The following IGSF22 variants were observed in gnomAD, a reference collection of about 807,000 sequenced individuals.
IGSF22 encodes immunoglobulin superfamily member 22, also known as immunoglobulin superfamily, member 22.
A neutral mutation model predicts 127.0 loss-of-function variants in IGSF22; 119 were observed. The ratio of observed to expected loss-of-function variants is 0.94; its 90% CI spans 0.81 to 1.09. The LOEUF (loss-of-function observed/expected upper bound fraction) is 1.09. Ranked by LOEUF, IGSF22 falls within the 50% of genes least tolerant of loss-of-function variation. The pLI is 0.00. For missense variants in IGSF22, 1,518 were observed against 1,716.6 expected (o/e 0.88, Z 2.04); for synonymous variants, 568 against 664.7 (o/e 0.85, Z 2.24).
chr11:18,722,056 G>A lies in IGSF22; in HGVS notation c.110-15C>T, dbSNP rs776006952. On this transcript the variant is annotated splice_polypyrimidine_tract_variant and intron_variant, in intron 2 of 22. Transcript: ENST00000513874. ...CACGACCTCCTCTGTGGGGGCAGGC[G>A]AGAGGTCAGAATGGGCTCCAGGTAG... 6.2e-7 allele frequency: 1 copy of A among 1,613,382 alleles called. No individual in the cohort carries two copies. The highest frequency in any genetic ancestry group is 8.5e-7 in the Non-Finnish European group (1 of 1,179,996).
chr11:18,708,190 G>A lies in IGSF22; in HGVS notation c.3087+17C>T, dbSNP rs1321119809. ...TATGTGGACAGTGTATGGAGGTCAG[G>A]GTCAGGGACAACTCACAGAGAAGGC... On this transcript the variant is annotated intron_variant, in intron 19 of 22. Coordinates refer to ENST00000513874, the MANE Select transcript of IGSF22 (RefSeq NM_173588.4). 6.5e-6 allele frequency: 10 copies of A among 1,537,692 alleles called. No homozygotes were observed. The highest frequency in any genetic ancestry group is 8.8e-6 in the Non-Finnish European group (10 of 1,140,018).
intron 1 of IGSF22, 90 bp from the exon 2 acceptor site, chr11:18,724,359 ATGGAAG>A (rs1848619559): frequency 4.5e-6 from 3 of 661,788 alleles, no homozygotes; most frequent in Non-Finnish European, 8.1e-6. Context: ...ATAAGAGGAG[ATGGAAG>A]CACACAGGAG....
chr11:18,707,880 A>T lies in IGSF22; in HGVS notation c.3204T>A (p.Ser1068=), dbSNP rs765763735. 5.0e-6 allele frequency: 8 copies of T among 1,614,202 alleles called. No homozygotes were observed. In the South Asian group the frequency reaches 8.8e-5, roughly 18 times the overall value. Residue 1068 remains serine, a synonymous_variant, in exon 20 of 23, where the codon TCT becomes TCA. Transcript: ENST00000513874. ...SQFLINSTKR[S]DSGVYRILLQ... is the part of the protein sequence containing the mutation. ...GCAAGATTCGGTACACCCCTGAGTC[A>T]GAGCGCTTGGTGCTATTAATGAGGA...
chr11:18,711,524 A>G (rs977785345), intron 15 of IGSF22, among the ~76,000 whole-genome samples: 2 of 152,156 alleles, frequency 1.3e-5, no homozygotes, highest in African/African-American at 4.8e-5. Context: ...CAACCTCCCG[A>G]GTAGCCAGGA....
At position 18,721,600 on chromosome 11, in the gene IGSF22, C is replaced by T. The variant is rs1173777448; in HGVS notation, c.313G>A (p.Gly105Ser). ...TTGGCGGACTCCTTGATGGGGATGCCGCTCTCCCTCTTCCAGGAGATGTGG... is the reference window on the plus strand; with the variant it reads ...TTGGCGGACTCCTTGATGGGGATGCTGCTCTCCCTCTTCCAGGAGATGTGG... ...KPHISWKRES[G>S]IPIKESAKIF... The change falls in exon 4 of 23, where the codon GGC (glycine) becomes AGC (serine). Residue 105 changes from glycine to serine, a missense_variant. Physicochemically the swap from Gly to Ser is moderately conservative, Grantham distance 56 (BLOSUM62 0). Coordinates refer to ENST00000513874, the MANE Select transcript of IGSF22 (RefSeq NM_173588.4). The T allele has an allele frequency of 6.2e-7, 1 of 1,614,248 alleles. No individual in the cohort carries two copies. The highest frequency in any genetic ancestry group is 8.5e-7 in the Non-Finnish European group (1 of 1,180,046).
chr11:18,714,600 C>G lies in IGSF22; in HGVS notation c.1556G>C (p.Gly519Ala), dbSNP rs781659543. The change falls in exon 12 of 23, where the codon GGG becomes GCG. Residue 519 changes from glycine (G) to alanine (A), a missense_variant. Gly to Ala is a moderately conservative substitution (Grantham distance 60). This residue lies in a region of IGSF22 where 1,456 missense variants were observed against 1,644.9 expected (regional missense o/e 0.89). Transcript: ENST00000513874. Reference sequence around the variant, plus strand: ...AGTGGCCGCGTGCACGTCGGACATCCCGCTCTTCACTGTGGCCAGACGCTC... The same window carrying G: ...AGTGGCCGCGTGCACGTCGGACATCGCGCTCTTCACTGTGGCCAGACGCTC... ...VEERLATVKS[G>A]MSDVHAATGS... The G allele has an allele frequency of 3.7e-6, 6 of 1,614,038 alleles. No individual in the cohort carries two copies. Among genetic ancestry groups the G allele is most frequent in the Non-Finnish European group, 5.1e-6 (6 of 1,180,058 alleles).
intron 21 of IGSF22, chr11:18,706,677 C>T: frequency 4.1e-6 from 2 of 482,360 alleles, no homozygotes; most frequent in Non-Finnish European, 7.3e-6. Flanking sequence ...CCCTCCGCAG[C>T]CCCTCCACCG....
At position 18,709,531 on chromosome 11, in the gene IGSF22, T is replaced by C; in HGVS notation, c.2854A>G (p.Lys952Glu). 6.2e-7 allele frequency: 1 copy of C among 1,614,188 alleles called. No individual in the cohort carries two copies. Reference sequence around the variant, plus strand: ...TAGCAGGTGCCTGAGATGGGGATCTTTGTGCACTTGGACCACTCCTTTGTG... The same window carrying C: ...TAGCAGGTGCCTGAGATGGGGATCTCTGTGCACTTGGACCACTCCTTTGTG... ...EDTKEWSKCTKIPISGTCYTV... is the reference protein window; with the variant it reads ...EDTKEWSKCTEIPISGTCYTV... The change falls in exon 18 of 23, where the codon AAG becomes GAG. Residue 952 changes from lysine (K) to glutamate (E), a missense_variant. Lys to Glu is a moderately conservative substitution (Grantham distance 56). Coordinates refer to ENST00000513874, the MANE Select transcript of IGSF22 (RefSeq NM_173588.4). The surrounding 1 kb of genome is among the most constrained non-coding windows in gnomAD (Gnocchi z 4.8).
rs187753096 is a variant in IGSF22, at chr11:18,725,277, G to T, written c.-34+797C>A. 5.3e-5 allele frequency among the ~76,000 whole-genome samples: 8 copies of T among 152,194 alleles called. No homozygotes were observed. The East Asian group carries it at 1.5e-3, about 29-fold the overall frequency. On this transcript the variant is annotated intron_variant, in intron 1 of 22. Coordinates refer to ENST00000513874, the MANE Select transcript of IGSF22 (RefSeq NM_173588.4). The stretch of plus-strand genomic sequence containing the variant: ...CCAGCAGCTGGGTTTACAGGCACGT[G>T]CCACCATGCCCAGCTAATTTTTGTG...
chr11:18,708,724 CA>C (rs1281707195), intron 18 of IGSF22, among the ~76,000 whole-genome samples: 7 of 152,186 alleles, frequency 4.6e-5, no homozygotes, highest in Non-Finnish European at 5.9e-5. Context: ...AGTCTTCCCC[CA>C]AACTAAATCA....
Position 18,716,737 on chromosome 11 carries a change from T to A in IGSF22, c.1237A>T (p.Thr413Ser). Residue 413 changes from threonine (T) to serine (S), a missense_variant, in exon 10 of 23, where the codon ACT becomes TCT. This residue lies in a region of IGSF22 where 1,456 missense variants were observed against 1,644.9 expected (regional missense o/e 0.89). Coordinates refer to ENST00000513874, the MANE Select transcript of IGSF22 (RefSeq NM_173588.4). The surrounding 1 kb of genome is among the most constrained non-coding windows in gnomAD (Gnocchi z 4.5). ...TTGCCCAACCACTCACGGTCAACAGTGAGCTGGGCCTTTTGTACCAGGTTC... is the reference window on the plus strand; with the variant it reads ...TTGCCCAACCACTCACGGTCAACAGAGAGCTGGGCCTTTTGTACCAGGTTC... ...AGNLVQKAQL[T>S]VDRIPIKFVS... 1.2e-6 allele frequency: 2 copies of A among 1,613,868 alleles called. No individual in the cohort carries two copies. Among genetic ancestry groups the A allele is most frequent in the Non-Finnish European group, 1.7e-6 (2 of 1,179,738 alleles).
intron 1 of IGSF22, 76 bp downstream of exon 1, chr11:18,725,998 C>T (rs1444316833): frequency 6.6e-6 from 1 of 152,474 alleles, no homozygotes. Flanking sequence ...TATTCCTGCC[C>T]TCTACCCTAT....
At chr11:18,717,027 C>A (rs1848476245) in intron 9 of IGSF22, 27 bp from the exon 10 acceptor site, 2 of 1,611,202 alleles carry the variant, frequency 1.2e-6, no homozygotes, top group Admixed American at 1.7e-5. Context: ...GAGTGGTAGT[C>A]ATTGGGCTGG....
In IGSF22 at chr11:18,717,890, C is replaced by T. The variant is rs75718689; in HGVS notation, c.973+41G>A. On this transcript the variant is annotated intron_variant, in intron 9 of 22. Coordinates refer to ENST00000513874, the MANE Select transcript of IGSF22 (RefSeq NM_173588.4). ...CCCTGGCCATTCCTCTCTTCCAACC[C>T]GACATGTCCTCCTTGTGCCCTTGCA... The T allele has an allele frequency of 0.071, 113,603 of 1,596,656 alleles. 4,379 individuals carry two copies. Among genetic ancestry groups the T allele is most frequent in the Admixed American group, 0.1 (6,206 of 59,426 alleles).
chr11:18,718,562 G>A (rs1366196424), intron 8 of IGSF22, 53 bp downstream of exon 8: 2 of 953,130 alleles, frequency 2.1e-6, no homozygotes, highest in Middle Eastern at 2.1e-4. Flanking sequence ...TGAGAGAAGG[G>A]GGTAGAGAGG....
At chr11:18,708,373 C>T in intron 18 of IGSF22, 78 bp from the exon 19 acceptor site, 1 of 1,126,328 alleles carries the variant, frequency 8.9e-7, no homozygotes, top group East Asian at 2.6e-5. Flanking sequence ...TCATCAAAGC[C>T]TTCCCAACCT....
Position 18,717,009 on chromosome 11 carries a change from A to G in IGSF22, c.974-9T>C, listed in dbSNP as rs1164282168. ...GAACTTCAGTGGCTCATCTGCAGCA[A>G]ACAGTAGGAGTGGTAGTCATTGGGC... On this transcript the variant is annotated splice_polypyrimidine_tract_variant and intron_variant, in intron 9 of 22. Coordinates refer to ENST00000513874, the MANE Select transcript of IGSF22 (RefSeq NM_173588.4). 1 of 1,613,902 alleles carries G rather than the reference A, an allele frequency of 6.2e-7. No individual in the cohort carries two copies. The highest frequency in any genetic ancestry group is 1.7e-5 in the Admixed American group (1 of 60,014).
At chr11:18,723,088 T>C (rs565652121) in intron 2 of IGSF22, among the ~76,000 whole-genome samples, 55 of 152,374 alleles carry the variant, frequency 3.6e-4, no homozygotes, top group African/African-American at 1.3e-3. Flanking sequence ...AGATGGGATA[T>C]ACAGTCTCTA....
chr11:18,713,151 CTTTTTT>C (rs11364796), intron 14 of IGSF22, among the ~76,000 whole-genome samples: 1 of 117,650 alleles, frequency 8.5e-6, no homozygotes. Flanking sequence ...GTTGTTGTTT[CTTTTTT>C]TTTTTTTTTT....
Sources: allele counts gnomAD v4.1 joint callset (sites outside exome capture counted in the v4.1 genomes callset), GRCh38; gene constraint gnomAD v4.1.1; regional missense constraint gnomAD v4.1.1; non-coding constraint Gnocchi (gnomAD v3.1); transcripts MANE v1.5; gene names NCBI Gene and HGNC (gene_info 2026-07-23, HGNC 2026-07-21).